Variants in STK32B observed in about 807,000 individuals in gnomAD.
STK32B encodes the protein serine/threonine kinase 32B.
In STK32B, 43 loss-of-function variants were observed where a neutral mutation model predicts 52.6. The observed-to-expected ratio is 0.82, with a 90% confidence interval of 0.64 to 1.05. STK32B has a LOEUF of 1.05. STK32B is among the 50% of genes least tolerant of loss of function. STK32B has a pLI of 0.00. For synonymous variants in STK32B, 238 were observed against 204.3 expected, an observed-to-expected ratio of 1.17 and a Z score of -1.41; for missense variants, 621 against 534.6, an observed-to-expected ratio of 1.16 and a Z score of -1.59.
chr4:5,129,316 C>G (rs1315124396), intron 1 of STK32B, among the ~76,000 whole-genome samples: 2 of 152,146 alleles, frequency 1.3e-5, no homozygotes, highest in Non-Finnish European at 2.9e-5. Flanking sequence ...GGAGTCCAAC[C>G]TAGGTCTGTT....
chr4:5,494,257 G>C (rs533855330), intron 11 of STK32B, among the ~76,000 whole-genome samples: 1 of 152,232 alleles, frequency 6.6e-6, no homozygotes, highest in East Asian at 1.9e-4. Flanking sequence ...ATGAATCTGG[G>C]TGCTCCTGTA....
At chr4:5,246,666 T>A (rs1725472827) in intron 3 of STK32B, among the ~76,000 whole-genome samples, 1 of 152,212 alleles carries the variant, frequency 6.6e-6, no homozygotes, top group Non-Finnish European at 1.5e-5. Context: ...TTAGAGTTTC[T>A]GGTTTTTCTG....
At chr4:5,325,127 A>T (rs1177712713) in intron 3 of STK32B, among the ~76,000 whole-genome samples, 1 of 152,132 alleles carries the variant, frequency 6.6e-6, no homozygotes, top group African/African-American at 2.4e-5. Context: ...GCTTCTATGA[A>T]ATTGGATTTT....
At chr4:5,163,502 CA>C (rs1194647469) in intron 2 of STK32B, among the ~76,000 whole-genome samples, 1 of 148,962 alleles carries the variant, frequency 6.7e-6, no homozygotes, top group Non-Finnish European at 1.5e-5. Context: ...AGAAACTCTT[CA>C]AAGAAATTCT....
intron 3 of STK32B, among the ~76,000 whole-genome samples, chr4:5,199,676 C>G (rs1227537169): frequency 6.6e-6 from 1 of 152,134 alleles, no homozygotes; most frequent in Non-Finnish European, 1.5e-5. Flanking sequence ...TAAACTCTGG[C>G]CTTTTTGTAG....
intron 3 of STK32B, among the ~76,000 whole-genome samples, chr4:5,310,067 G>A (rs550596544): frequency 2.6e-5 from 4 of 152,274 alleles, no homozygotes; most frequent in African/African-American, 9.6e-5. Flanking sequence ...TCAGGAGGCT[G>A]AGGCAGGAGA....
chr4:5,226,252 T>G (rs1216464868), intron 3 of STK32B, among the ~76,000 whole-genome samples: 2 of 152,216 alleles, frequency 1.3e-5, no homozygotes, highest in African/African-American at 2.4e-5. Flanking sequence ...CATTATTTTC[T>G]TAAAGTTTTC....
intron 3 of STK32B, among the ~76,000 whole-genome samples, chr4:5,284,776 T>G (rs549756820): frequency 6.6e-6 from 1 of 152,318 alleles, no homozygotes; most frequent in Admixed American, 6.5e-5. Flanking sequence ...AGCTCATCTT[T>G]CCAGTAAATT....
intron 4 of STK32B, among the ~76,000 whole-genome samples, chr4:5,355,933 A>G (rs952771890): frequency 3.9e-5 from 6 of 152,180 alleles, no homozygotes; most frequent in Admixed American, 6.5e-5. Flanking sequence ...AGTGGAGGAC[A>G]GGGAACCTCA....
At chr4:5,276,374 TCCTACTTTGGGGAGGTCAGCAAGGGGC>T (rs1458099359) in intron 3 of STK32B, among the ~76,000 whole-genome samples, 1 of 152,182 alleles carries the variant, frequency 6.6e-6, no homozygotes, top group African/African-American at 2.4e-5. Context: ...AGAATGTGCA[TCCTACTTTGGGGAGGTCAGCAAGGGGC>T]CCTCTCCTAA....
chr4:5,315,469 T>C (rs1730608099), intron 3 of STK32B, among the ~76,000 whole-genome samples: 1 of 151,858 alleles, frequency 6.6e-6, no homozygotes, highest in African/African-American at 2.4e-5. Flanking sequence ...TTCAAGTAAT[T>C]AATATGCATA....
At chr4:5,276,381 T>A (rs1004632347) in intron 3 of STK32B, among the ~76,000 whole-genome samples, 9 of 152,292 alleles carry the variant, frequency 5.9e-5, no homozygotes, top group African/African-American at 1.9e-4. Context: ...GCATCCTACT[T>A]TGGGGAGGTC....
rs2109046487 is a variant in STK32B at position 5,398,830 on chromosome 4, G to A, written c.472+586G>A. Among the ~76,000 whole-genome samples, 1 of 152,362 alleles carries A rather than the reference G, an allele frequency of 6.6e-6. No homozygotes were observed. The highest frequency in any genetic ancestry group is 6.5e-5 in the Admixed American group (1 of 15,304). ...CTGAGATGGGACTAGACTCTGCAAA[G>A]TCCAGAGTCTGCAAAGCTCCCAGGT... On this transcript the variant is annotated intron_variant, in intron 5 of 11. Coordinates refer to ENST00000282908, the MANE Select transcript of STK32B (RefSeq NM_018401.3). The surrounding 1 kb of genome is among the most constrained non-coding windows in gnomAD (Gnocchi z 4.9).
chr4:5,492,056 A>T (rs928769724), intron 11 of STK32B, among the ~76,000 whole-genome samples: 16 of 152,256 alleles, frequency 1.1e-4, no homozygotes, highest in African/African-American at 3.1e-4. Context: ...TGACTTGGCA[A>T]TGCGGGCTCT....
intron 1 of STK32B, among the ~76,000 whole-genome samples, chr4:5,112,010 A>G (rs1714432323): frequency 6.6e-6 from 1 of 152,166 alleles, no homozygotes; most frequent in African/African-American, 2.4e-5. Context: ...AAATCATCCT[A>G]CCCTTTGTTT....
chr4:5,490,396 C>T (rs1279227096), intron 11 of STK32B, among the ~76,000 whole-genome samples: 3 of 152,092 alleles, frequency 2.0e-5, no homozygotes, highest in Non-Finnish European at 2.9e-5. Flanking sequence ...TTTGAGCCAC[C>T]ACGCCTGGCC....
intron 2 of STK32B, among the ~76,000 whole-genome samples, chr4:5,158,656 G>A (rs1007486208): frequency 2.6e-5 from 4 of 152,214 alleles, no homozygotes; most frequent in East Asian, 3.9e-4. Flanking sequence ...TCACAGTTCC[G>A]GAGGCTGAAG....
chr4:5,461,738 A>G (rs1222980893), intron 9 of STK32B, among the ~76,000 whole-genome samples: 1 of 152,192 alleles, frequency 6.6e-6, no homozygotes, highest in Non-Finnish European at 1.5e-5. Flanking sequence ...ATGGAATGGC[A>G]GGTCGCACAG....
intron 5 of STK32B, among the ~76,000 whole-genome samples, chr4:5,409,300 ATCT>A (rs1737870264): frequency 6.6e-6 from 1 of 152,142 alleles, no homozygotes; most frequent in African/African-American, 2.4e-5. Context: ...AAGTGTGAGA[ATCT>A]AGTGTCCAGC....
Sources: gnomAD v4.1 joint callset for allele counts (sites outside exome capture counted in the v4.1 genomes callset) on GRCh38, gnomAD v4.1.1 for gene constraint, Gnocchi (gnomAD v3.1) non-coding constraint, MANE v1.5 for transcripts, NCBI Gene and HGNC (gene_info 2026-07-23, HGNC 2026-07-21) for gene names.